Variants in LRRC3C observed in about 807,000 individuals in gnomAD.
The protein encoded by LRRC3C is leucine rich repeat containing 3C, also known as leucine-rich repeat-containing protein 3C.
A neutral mutation model predicts 14.8 loss-of-function variants in LRRC3C; 11 were observed. The observed-to-expected ratio is 0.74, with a 90% CI of 0.47 to 1.23. LRRC3C has a LOEUF of 1.23. Ranked by LOEUF, LRRC3C falls within the 50% of genes most tolerant of loss-of-function variation. LRRC3C has a pLI of 0.00. For missense variants in LRRC3C, 354 were observed against 361.8 expected (o/e 0.98, Z 0.18); for synonymous variants, 149 against 161.5 (o/e 0.92, Z 0.59).
intron 2 of LRRC3C, 25 bp from the exon 3 acceptor site, chr17:39,941,418 C>A: frequency 5.2e-6 from 4 of 766,124 alleles, no homozygotes; most frequent in South Asian, 1.7e-5. Flanking sequence ...CCCCCACACA[C>A]ACCCCATTTT....
chr17:39,936,176 G>T (rs915892299), intron 2 of LRRC3C, among the ~76,000 whole-genome samples: 2 of 152,228 alleles, frequency 1.3e-5, no homozygotes, highest in Non-Finnish European at 2.9e-5. Flanking sequence ...GCCCTGCCAT[G>T]CCTCAGTCTC....
chr17:39,936,568 C>T (rs1036704557), intron 2 of LRRC3C, among the ~76,000 whole-genome samples: 5 of 150,876 alleles, frequency 3.3e-5, no homozygotes, highest in Admixed American at 1.3e-4. Context: ...TTTGGGAAGT[C>T]GAGGAGGGTG....
intron 2 of LRRC3C, chr17:39,939,473 A>G: frequency 1.4e-5 from 12 of 883,936 alleles, no homozygotes; most frequent in African/African-American, 1.8e-5. Context: ...GAAAGAAACC[A>G]GTGCCTAGAC....
chr17:39,935,895 G>A lies in LRRC3C; in HGVS notation c.-82+1G>A. On this transcript the variant is annotated splice_donor_variant, in intron 2 of 3. Transcript: ENST00000377924. LOFTEE classifies it low-confidence loss of function (5UTR_SPLICE). ...GTCCCTGGCTGACCTGATAAAGAAG[G>A]TAGCCCTTCCTTATCTATCTTCTCT... 1.0e-6 allele frequency: 1 copy of A among 985,156 alleles called. No homozygotes were observed. The highest frequency in any genetic ancestry group is 1.2e-6 in the Non-Finnish European group (1 of 829,710). The allele number at this position is 985,156 out of a possible 1,614,324, so 61.0% of individuals were successfully genotyped here.
chr17:39,929,472 C>G (rs1204013929), intron 1 of LRRC3C: 4 of 152,170 alleles, frequency 2.6e-5, no homozygotes, highest in Non-Finnish European at 5.9e-5. Context: ...TCCCTGTTGT[C>G]ATCTTTCTCC....
rs531385878 is a variant in LRRC3C at position 39,930,498 on chromosome 17, A to G, written c.-175+2684A>G. On this transcript the variant is annotated intron_variant, in intron 1 of 3. Transcript: ENST00000377924. ...CAAGGTAGGCGGATCACCTGAGGTC[A>G]GGAGTTTGACACCAGCCTGGCCAAC... 2.2e-3 allele frequency among the ~76,000 whole-genome samples: 328 copies of G among 149,438 alleles called. 1 individual carries two copies. The highest frequency in any genetic ancestry group is 3.7e-3 in the Non-Finnish European group (249 of 67,484).
intron 1 of LRRC3C, among the ~76,000 whole-genome samples, chr17:39,930,277 C>CAAA (rs61165669): frequency 5.2e-5 from 3 of 57,560 alleles, no homozygotes; most frequent in African/African-American, 7.4e-5. Flanking sequence ...GATCCTGTCT[C>CAAA]AAAAAAAAAA....
intron 1 of LRRC3C, among the ~76,000 whole-genome samples, chr17:39,932,465 A>AGG (rs1978674382): frequency 6.6e-6 from 1 of 152,118 alleles, no homozygotes; most frequent in African/African-American, 2.4e-5. Context: ...GCACTTTGGG[A>AGG]AGCTGAGGCG....
intron 2 of LRRC3C, among the ~76,000 whole-genome samples, chr17:39,938,268 G>T (rs183056836): frequency 6.6e-6 from 1 of 152,166 alleles, no homozygotes; most frequent in South Asian, 2.1e-4. Flanking sequence ...TCTTTCTCAC[G>T]TATTGAGTCT....
chr17:39,936,759 G>A (rs1000570647), intron 2 of LRRC3C, among the ~76,000 whole-genome samples: 1 of 151,446 alleles, frequency 6.6e-6, no homozygotes, highest in Non-Finnish European at 1.5e-5. Flanking sequence ...TGAAGTTACC[G>A]TGAGCTGTGA....
At position 39,944,480 on chromosome 17, in the gene LRRC3C, C is replaced by T. The variant is rs574956497; in HGVS notation, c.574C>T (p.Arg192Ter). 4.7e-6 allele frequency: 7 copies of T among 1,486,704 alleles called. No homozygotes were observed. The Admixed American group carries it at 1.1e-4, about 23-fold the overall frequency. The allele number at this position is 1,486,704 out of a possible 1,614,324, so 92.1% of individuals were successfully genotyped here. Residue 192 changes from arginine to a stop codon, truncating the protein, a stop_gained, in exon 4 of 4, where the codon CGA becomes TGA. Transcript: ENST00000377924. LOFTEE classifies it high-confidence loss of function. ...GTGIVCGSGA[R>*]PDLVGQEFLL... ...AGGCATCGTGTGTGGCTCAGGAGCC[C>T]GACCGGACCTCGTGGGGCAGGAGTT...
At position 39,941,508 on chromosome 17, in the gene LRRC3C, C is replaced by T; in HGVS notation, c.-16C>T. On this transcript the variant is annotated 5_prime_UTR_variant, in exon 3 of 4. Transcript: ENST00000377924. ...CCAAAATCCAGCAAGAAAAATCCTTCTCAGAAAGGTCTCCAATGCGTATGA... is the reference window on the plus strand; with the variant it reads ...CCAAAATCCAGCAAGAAAAATCCTTTTCAGAAAGGTCTCCAATGCGTATGA... 1.3e-6 allele frequency: 2 copies of T among 1,535,660 alleles called. No homozygotes were observed. Among genetic ancestry groups the T allele is most frequent in the Non-Finnish European group, 8.7e-7 (1 of 1,146,588 alleles).
chr17:39,941,798 CATT>C (rs1281270761), intron 3 of LRRC3C, among the ~76,000 whole-genome samples: 1 of 152,200 alleles, frequency 6.6e-6, no homozygotes, highest in Non-Finnish European at 1.5e-5. Context: ...GCCACTGACT[CATT>C]GTGTAACTCT....
At chr17:39,940,610 GAC>G (rs1158536077) in intron 2 of LRRC3C, among the ~76,000 whole-genome samples, 1 of 100,118 alleles carries the variant, frequency 1.0e-5, no homozygotes, top group Non-Finnish European at 2.1e-5. Flanking sequence ...AGTGCATTTG[GAC>G]AATTTTTTTT....
chr17:39,932,142 T>G (rs911258686), intron 1 of LRRC3C, among the ~76,000 whole-genome samples: 2 of 152,188 alleles, frequency 1.3e-5, no homozygotes, highest in Non-Finnish European at 2.9e-5. Context: ...TGAACCTCTC[T>G]GTGCTTCAGT....
At chr17:39,941,074 G>T (rs966192603) in intron 2 of LRRC3C, among the ~76,000 whole-genome samples, 1 of 151,766 alleles carries the variant, frequency 6.6e-6, no homozygotes, top group Admixed American at 6.6e-5. Context: ...TTTCACCTGG[G>T]TGTGGTGGCT....
At chr17:39,942,121 G>C (rs1240380323) in intron 3 of LRRC3C, among the ~76,000 whole-genome samples, 1 of 152,170 alleles carries the variant, frequency 6.6e-6, no homozygotes, top group Non-Finnish European at 1.5e-5. Flanking sequence ...CCTGGCGTGG[G>C]TAATGAAATC....
At position 39,944,025 on chromosome 17, in the gene LRRC3C, GT is replaced by G. The variant is rs1568120408; in HGVS notation, c.120del (p.Thr41LeufsTer115). 6.5e-6 allele frequency: 10 copies of G among 1,536,032 alleles called. No individual in the cohort carries two copies. The highest frequency in any genetic ancestry group is 8.7e-6 in the Non-Finnish European group (10 of 1,146,838). Reference protein sequence around the residue: ...LPLLLVIGTGGTVPSPQVPPR... With the variant: ...LPLLLVIGTGXTVPSPQVPPR... ...CTCCTGCTGGTGATAGGCACAGGGGGTACTGTGCCCAGCCCCCAGGTGCCTC... is the reference window on the plus strand; with the variant it reads ...CTCCTGCTGGTGATAGGCACAGGGGGACTGTGCCCAGCCCCCAGGTGCCTC... On this transcript the variant is annotated frameshift_variant, in exon 4 of 4. Coordinates refer to ENST00000377924, the MANE Select transcript of LRRC3C (RefSeq NM_001195545.2). LOFTEE classifies it high-confidence loss of function.
intron 2 of LRRC3C, among the ~76,000 whole-genome samples, chr17:39,941,209 G>T (rs971788186): frequency 3.9e-5 from 6 of 151,930 alleles, no homozygotes; most frequent in Admixed American, 3.3e-4. Context: ...AATTAGCCGG[G>T]TTTGGTCGGC....
Sources: allele counts gnomAD v4.1 joint callset (sites outside exome capture counted in the v4.1 genomes callset), GRCh38; gene constraint gnomAD v4.1.1; transcripts MANE v1.5; gene names NCBI Gene and HGNC (gene_info 2026-07-23, HGNC 2026-07-21).